Variants in HYLS1 observed in about 807,000 individuals in gnomAD.
HYLS1 encodes centriolar and ciliogenesis-associated protein HYLS1.
Under a neutral mutation model 29.4 loss-of-function variants are expected in HYLS1, and 25 were observed. That is an observed-to-expected ratio of 0.85 (90% CI 0.62 to 1.19). The LOEUF (loss-of-function observed/expected upper bound fraction) is 1.19, where lower values mean the gene tolerates loss of function less well. Among genes scored for constraint, HYLS1 ranks in the 50% most tolerant of loss-of-function variants. The pLI is 0.00. For synonymous variants in HYLS1, 128 were observed against 126.7 expected (o/e 1.01, Z -0.07); for missense variants, 352 against 365.1 (o/e 0.96, Z 0.29).
chr11:125,886,771 C>T (rs1944311940), upstream of HYLS1, among the ~76,000 whole-genome samples: 1 of 151,448 alleles, frequency 6.6e-6, no homozygotes, highest in African/African-American at 2.4e-5. Context: ...ATTAGCCGGG[C>T]ATGGTGGTGC....
chr11:125,900,145 T>C lies in HYLS1; in HGVS notation c.777T>C (p.Tyr259=), dbSNP rs1358062287. The stretch of plus-strand genomic sequence containing the variant: ...CCCAATCCAAACCTCAGCATATATA[T>C]GTCCCAAACAATTATCTAGTACCAA... ...AEPQSKPQHI[Y]VPNNYLVPTE... is the part of the protein sequence containing the mutation. Residue 259 remains tyrosine (Y), a synonymous_variant, in exon 3 of 3, where the codon TAT becomes TAC. Coordinates refer to ENST00000425380, the MANE Select transcript of HYLS1 (RefSeq NM_001134793.2). 4 of 1,614,200 alleles carry C rather than the reference T, an allele frequency of 2.5e-6. No homozygotes were observed. In the East Asian group the frequency reaches 6.7e-5, roughly 27 times the overall value.
upstream of HYLS1, chr11:125,887,445 G>C (rs1015719731): frequency 1.6e-4 from 24 of 152,284 alleles, no homozygotes; most frequent in Admixed American, 1.4e-3. Flanking sequence ...CCTCAGCTAG[G>C]CGGGCTCGGA....
chr11:125,895,020 C>T (rs1355150030), intron 2 of HYLS1, among the ~76,000 whole-genome samples: 1 of 151,352 alleles, frequency 6.6e-6, no homozygotes, highest in Non-Finnish European at 1.5e-5. Context: ...GTTATTTAGA[C>T]AGTTACGGTG....
chr11:125,894,503 G>C (rs545910611), intron 2 of HYLS1, among the ~76,000 whole-genome samples: 1 of 152,140 alleles, frequency 6.6e-6, no homozygotes, highest in Non-Finnish European at 1.5e-5. Context: ...CCTGATCTAT[G>C]TAAGGTAAAT....
rs1282806815 is a variant in HYLS1, at chr11:125,899,398, AT to A, written c.31del (p.Trp11GlyfsTer46). The A allele has an allele frequency of 3.7e-6, 6 of 1,614,076 alleles. No homozygotes were observed. Among genetic ancestry groups the A allele is most frequent in the Non-Finnish European group, 5.1e-6 (6 of 1,180,026 alleles). On this transcript the variant is annotated frameshift_variant, in exon 3 of 3. Coordinates refer to ENST00000425380, the MANE Select transcript of HYLS1 (RefSeq NM_001134793.2). LOFTEE classifies it high-confidence loss of function. MEELLPDGQI[W>X]ANMDPEERML... is the part of the protein sequence containing the mutation. ...AAGAACTTCTACCTGATGGACAAAT[AT>A]GGGCTAATATGGATCCAGAAGAACG...
chr11:125,896,448 C>T (rs1401006538), intron 2 of HYLS1: 3 of 672,528 alleles, frequency 4.5e-6, no homozygotes, highest in East Asian at 5.5e-5. Flanking sequence ...TCCAGGAATA[C>T]AAGCATTAGC....
At chr11:125,896,385 T>G in intron 2 of HYLS1, 1 of 1,164,216 alleles carries the variant, frequency 8.6e-7, no homozygotes, top group Non-Finnish European at 1.2e-6. Flanking sequence ...TTTGATGATG[T>G]TCTAATGGTA....
At position 125,887,736 on chromosome 11, in the gene HYLS1, C is replaced by A. The variant is rs1471750457; in HGVS notation, c.-105C>A. The A allele has an allele frequency of 6.6e-6, 1 of 152,296 alleles. No individual in the cohort carries two copies. The highest frequency in any genetic ancestry group is 1.5e-5 in the Non-Finnish European group (1 of 68,060). 9.4% of individuals were successfully genotyped at this position (152,296 alleles called of 1,614,324 possible). A position where few individuals can be genotyped will look rare whatever the true frequency, so the allele number is the denominator to read the frequency against. On this transcript the variant is annotated 5_prime_UTR_variant, in exon 1 of 3. Transcript: ENST00000425380. ...TGCTCTGCTGGCGACTGGCAGGACG[C>A]GGTGCAGAGAGCGGACTTCCGCGAC...
At chr11:125,894,104 C>T (rs1436554083) in intron 2 of HYLS1, 1 of 1,614,014 alleles carries the variant, frequency 6.2e-7, no homozygotes, top group Non-Finnish European at 8.5e-7. Flanking sequence ...TCCTATTCCA[C>T]AGGGTACTGG....
Position 125,900,436 on chromosome 11 carries a change from A to T in HYLS1, c.*168A>T. ...ATATATCACATTGGTATCAGATGATACTTCCAAATTGCCACTCAAATCCAG... is the reference window on the plus strand; with the variant it reads ...ATATATCACATTGGTATCAGATGATTCTTCCAAATTGCCACTCAAATCCAG... On this transcript the variant is annotated 3_prime_UTR_variant, in exon 3 of 3. Transcript: ENST00000425380. 1.6e-6 allele frequency: 1 copy of T among 644,790 alleles called. No individual in the cohort carries two copies. Among genetic ancestry groups the T allele is most frequent in the East Asian group, 2.8e-5 (1 of 35,252 alleles). The allele number at this position is 644,790 out of a possible 1,614,324, so 39.9% of individuals were successfully genotyped here. A position where few individuals can be genotyped will look rare whatever the true frequency, so the allele number is the denominator to read the frequency against.
At position 125,895,945 on chromosome 11, in the gene HYLS1, A is replaced by G. The variant is rs752052349; in HGVS notation, c.-25-3399A>G. 5.0e-6 allele frequency: 8 copies of G among 1,613,974 alleles called. No homozygotes were observed. Among genetic ancestry groups the G allele is most frequent in the Admixed American group, 1.7e-5 (1 of 60,018 alleles). On this transcript the variant is annotated intron_variant, in intron 2 of 2. Transcript: ENST00000425380. ...CTAACTCCTTTATCTGTTCTCCCAC[A>G]TCGGTGATAGTTGGATGTCTGTCTG...
upstream of HYLS1, chr11:125,886,958 TGAAGGA>T (rs1476718442): frequency 6.9e-6 from 1 of 145,768 alleles, no homozygotes; most frequent in African/African-American, 2.5e-5. Context: ...TAACACCATG[TGAAGGA>T]GACAGGCACA....
chr11:125,888,784 AAAAGAG>A (rs1944357208), intron 1 of HYLS1, among the ~76,000 whole-genome samples: 1 of 138,126 alleles, frequency 7.2e-6, no homozygotes, highest in African/African-American at 2.6e-5. Flanking sequence ...AAAAAAAAAA[AAAAGAG>A]AAAAGAAAAA....
chr11:125,899,376 A>C lies in HYLS1; in HGVS notation c.8A>C (p.Glu3Ala). ME[E>A]LLPDGQIWAN... ...TACAGTGTAGGGGAAGCAATGGAAG[A>C]ACTTCTACCTGATGGACAAATATGG... is the stretch of plus-strand genomic sequence containing the variant. Residue 3 changes from glutamate to alanine, a missense_variant, in exon 3 of 3, where the codon GAA becomes GCA. Glu to Ala is a moderately radical substitution (Grantham distance 107). Transcript: ENST00000425380. 1 of 1,614,130 alleles carries C rather than the reference A, an allele frequency of 6.2e-7. No homozygotes were observed.
Position 125,899,354 on chromosome 11 carries a change from A to G in HYLS1, c.-15A>G. ...TGTTATCTCTTGCAGAAGGTCCTAC[A>G]GTGTAGGGGAAGCAATGGAAGAACT... On this transcript the variant is annotated 5_prime_UTR_variant, in exon 3 of 3. Coordinates refer to ENST00000425380, the MANE Select transcript of HYLS1 (RefSeq NM_001134793.2). The G allele has an allele frequency of 1.2e-6, 2 of 1,613,108 alleles. No individual in the cohort carries two copies. Among genetic ancestry groups the G allele is most frequent in the South Asian group, 1.1e-5 (1 of 91,008 alleles).
At chr11:125,884,384 C>T (rs1007451225), upstream of HYLS1, among the ~76,000 whole-genome samples, 14 of 148,976 alleles carry the variant, frequency 9.4e-5, no homozygotes, top group Admixed American at 2.7e-4. Context: ...CCGAGGTGGG[C>T]GGGTCACAAG....
chr11:125,887,970 CGATGTGCG>C (rs1944337708), intron 1 of HYLS1: 15 of 150,128 alleles, frequency 1.0e-4, no homozygotes, highest in African/African-American at 3.3e-4. Context: ...GAGCTACAGG[CGATGTGCG>C]CGGCGGGCCG....
chr11:125,896,995 T>G (rs1944609934), intron 2 of HYLS1, among the ~76,000 whole-genome samples: 1 of 152,222 alleles, frequency 6.6e-6, no homozygotes, highest in Admixed American at 6.5e-5. Flanking sequence ...CATATTTTGA[T>G]AAAAGATTTC....
rs1488832078 is a variant in HYLS1 at position 125,900,055 on chromosome 11, T to A, written c.687T>A (p.Pro229=). 3 of 1,614,214 alleles carry A rather than the reference T, an allele frequency of 1.9e-6. No homozygotes were observed. In the South Asian group the frequency reaches 3.3e-5, roughly 18 times the overall value. ...GGGACTGGGACTCAATACGTTTACC[T>A]GGTGAAGATCATAGAAAGGAATTAC... The part of the protein sequence containing the change: ...YKRDWDSIRL[P]GEDHRKELRW... Residue 229 remains proline (P), a synonymous_variant, in exon 3 of 3, where the codon CCT becomes CCA. Coordinates refer to ENST00000425380, the MANE Select transcript of HYLS1 (RefSeq NM_001134793.2).
Sources: gnomAD v4.1 joint callset for allele counts (sites outside exome capture counted in the v4.1 genomes callset) on GRCh38, gnomAD v4.1.1 for gene constraint, MANE v1.5 for transcripts, NCBI Gene and HGNC (gene_info 2026-07-23, HGNC 2026-07-21) for gene names.